SAMTOR: variants seen among roughly 807,000 people sequenced by gnomAD.
SAMTOR encodes the protein UPF0532 protein C7orf60.
chr7:112,907,570 T>C, the SAMTOR span, among the ~76,000 whole-genome samples: 1 of 150,664 alleles, frequency 6.6e-6, no homozygotes, highest in Non-Finnish European at 1.5e-5. Context: ...CAAATATTTA[T>C]AAATGATATA....
the SAMTOR span, chr7:112,832,718 T>C: frequency 1.6e-6 from 2 of 1,219,210 alleles, no homozygotes; most frequent in Non-Finnish European, 1.2e-6. Context: ...AATATGAGAA[T>C]GTAAGAAATC....
the SAMTOR span, chr7:112,939,703 G>C: frequency 6.2e-7 from 1 of 1,610,756 alleles, no homozygotes; most frequent in South Asian, 1.1e-5. Context: ...TCGGGGACCC[G>C]GCCCTCTGCG....
the SAMTOR span, among the ~76,000 whole-genome samples, chr7:112,853,691 G>A: frequency 6.6e-6 from 1 of 152,066 alleles, no homozygotes; most frequent in Non-Finnish European, 1.5e-5. Context: ...GCATTCTCTA[G>A]AGTCAGTGAA....
chr7:112,903,126 C>G, the SAMTOR span, among the ~76,000 whole-genome samples: 15 of 152,026 alleles, frequency 9.9e-5, no homozygotes, highest in Non-Finnish European at 2.2e-4. Flanking sequence ...CCCGCCTGAC[C>G]AACATAGTAA....
the SAMTOR span, among the ~76,000 whole-genome samples, chr7:112,879,409 T>C: frequency 7.9e-5 from 12 of 152,052 alleles, no homozygotes; most frequent in African/African-American, 2.9e-4. Context: ...TAGATGGACT[T>C]ATTTTTAAAA....
At chr7:112,868,715 G>C in the SAMTOR span, among the ~76,000 whole-genome samples, 9 of 152,340 alleles carry the variant, frequency 5.9e-5, no homozygotes, top group East Asian at 1.7e-3. Flanking sequence ...GTCAGAGACT[G>C]GAGTGCTTGC....
chr7:112,929,035 A>G, the SAMTOR span, among the ~76,000 whole-genome samples: 1 of 152,098 alleles, frequency 6.6e-6, no homozygotes, highest in Middle Eastern at 3.4e-3. Flanking sequence ...GGACCACTTG[A>G]TTTTTATATA....
chr7:112,820,507 T>A, the SAMTOR span: 1 of 152,378 alleles, frequency 6.6e-6, no homozygotes, highest in South Asian at 2.1e-4. Flanking sequence ...CTCTTAAAAA[T>A]GATAGCTTCC....
chr7:112,897,011 T>C, the SAMTOR span, among the ~76,000 whole-genome samples: 2 of 151,992 alleles, frequency 1.3e-5, no homozygotes, highest in Non-Finnish European at 2.9e-5. Context: ...TATTCACAAA[T>C]GAAAAAACCC....
the SAMTOR span, among the ~76,000 whole-genome samples, chr7:112,864,926 A>G: frequency 1.6e-4 from 24 of 151,856 alleles, no homozygotes; most frequent in Admixed American, 3.3e-4. Context: ...ACTAATTTTT[A>G]TATTTATTGT....
At chr7:112,930,776 C>G in the SAMTOR span, among the ~76,000 whole-genome samples, 1 of 152,238 alleles carries the variant, frequency 6.6e-6, no homozygotes, top group South Asian at 2.1e-4. Context: ...AATTATAATA[C>G]CAATCCATTG....
chr7:112,845,469 C>T, the SAMTOR span, among the ~76,000 whole-genome samples: 1 of 152,014 alleles, frequency 6.6e-6, no homozygotes, highest in East Asian at 1.9e-4. Context: ...TACACGTGGC[C>T]AACAAGTATA....
the SAMTOR span, among the ~76,000 whole-genome samples, chr7:112,850,283 CAT>C: frequency 2.0e-5 from 3 of 152,154 alleles, no homozygotes; most frequent in Admixed American, 2.0e-4. Flanking sequence ...ATATTTTTGA[CAT>C]GTGTTGGATT....
chr7:112,867,411 C>T, the SAMTOR span, among the ~76,000 whole-genome samples: 8 of 152,284 alleles, frequency 5.3e-5, no homozygotes, highest in East Asian at 1.5e-3. Context: ...TAATAATTTT[C>T]TATTTCTCAA....
the SAMTOR span, among the ~76,000 whole-genome samples, chr7:112,877,801 T>C: frequency 2.0e-5 from 3 of 152,110 alleles, no homozygotes; most frequent in South Asian, 2.1e-4. Context: ...TTGTGAGTTC[T>C]TGTGTGTGGC....
chr7:112,837,821 T>A, the SAMTOR span, among the ~76,000 whole-genome samples: 1 of 151,972 alleles, frequency 6.6e-6, no homozygotes, highest in Non-Finnish European at 1.5e-5. Context: ...AACATTTTCA[T>A]CAATACATAC....
chr7:112,910,138 A>G, the SAMTOR span, among the ~76,000 whole-genome samples: 1 of 151,932 alleles, frequency 6.6e-6, no homozygotes. Context: ...CCTAATATGA[A>G]ATTATTTGAA....
chr7:112,939,508 GC>G, the SAMTOR span: 2 of 1,594,026 alleles, frequency 1.3e-6, no homozygotes, highest in Non-Finnish European at 1.7e-6. Flanking sequence ...TTTAATGGTG[GC>G]CTCTTTGGAG....
At chr7:112,870,488 CA>C in the SAMTOR span, among the ~76,000 whole-genome samples, 1 of 152,102 alleles carries the variant, frequency 6.6e-6, no homozygotes, top group Non-Finnish European at 1.5e-5. Flanking sequence ...TTCAGACAAG[CA>C]GTCGCTAAGA....
Sources: allele counts gnomAD v4.1 joint callset (sites outside exome capture counted in the v4.1 genomes callset), GRCh38; gene constraint gnomAD v4.1.1; transcripts MANE v1.5; gene names NCBI Gene and HGNC (gene_info 2026-07-23, HGNC 2026-07-21).